The following ANO2 variants were observed in gnomAD, a reference collection of about 807,000 sequenced individuals.
The protein encoded by ANO2 is anoctamin 2.
In ANO2, 101 loss-of-function variants were observed where a neutral mutation model predicts 124.2. That is an observed-to-expected ratio of 0.81 (90% CI 0.69 to 0.96). ANO2 has a LOEUF of 0.96. ANO2 is among the 40% of genes least tolerant of loss of function. The probability of loss-of-function intolerance (pLI) is 0.00; values close to 1 mark genes in which losing one functional copy is unlikely to be tolerated. For synonymous variants in ANO2, 486 were observed against 482.5 expected, an observed-to-expected ratio of 1.01 and a Z score of -0.09; for missense variants, 1,293 against 1,274.5, an observed-to-expected ratio of 1.01 and a Z score of -0.22.
chr12:5,646,793 G>A (rs919647014), intron 15 of ANO2, among the ~76,000 whole-genome samples: 1 of 152,162 alleles, frequency 6.6e-6, no homozygotes, highest in Non-Finnish European at 1.5e-5. Context: ...GAAAAATGAG[G>A]AGTTGAATTG....
intron 14 of ANO2, among the ~76,000 whole-genome samples, chr12:5,700,898 T>C (rs1949374872): frequency 1.3e-5 from 2 of 152,120 alleles, no homozygotes; most frequent in South Asian, 4.2e-4. Context: ...TCCCTAATTA[T>C]AGATATTTCC....
At chr12:5,903,697 G>A (rs1332115110) in intron 3 of ANO2, among the ~76,000 whole-genome samples, 1 of 151,288 alleles carries the variant, frequency 6.6e-6, no homozygotes, top group Non-Finnish European at 1.5e-5. Flanking sequence ...AGCAAGGTCT[G>A]TGCAGACAAT....
chr12:5,599,861 C>T (rs1263397241), intron 19 of ANO2, among the ~76,000 whole-genome samples: 2 of 152,294 alleles, frequency 1.3e-5, no homozygotes, highest in African/African-American at 4.8e-5. Context: ...TTTCTTCAAA[C>T]CCCAAAATAC....
At chr12:5,883,943 T>A (rs1330828085) in intron 3 of ANO2, among the ~76,000 whole-genome samples, 1 of 152,120 alleles carries the variant, frequency 6.6e-6, no homozygotes, top group Non-Finnish European at 1.5e-5. Flanking sequence ...TTAAACCTAA[T>A]CCCAGCATTG....
chr12:5,779,379 C>T (rs561225120), intron 10 of ANO2, among the ~76,000 whole-genome samples: 3 of 152,300 alleles, frequency 2.0e-5, no homozygotes, highest in South Asian at 4.1e-4. Flanking sequence ...ATCTAAAATG[C>T]CTATTTTCTT....
At chr12:5,878,032 C>T (rs2137291928) in intron 3 of ANO2, among the ~76,000 whole-genome samples, 1 of 152,336 alleles carries the variant, frequency 6.6e-6, no homozygotes, top group South Asian at 2.1e-4. Flanking sequence ...ACCTATGCAG[C>T]ACTAAGAGTC....
chr12:5,851,560 CTG>C, intron 4 of ANO2, among the ~76,000 whole-genome samples: 1 of 152,074 alleles, frequency 6.6e-6, no homozygotes, highest in East Asian at 1.9e-4. Context: ...TGATGAGCAC[CTG>C]TAATCCCAGC....
intron 11 of ANO2, among the ~76,000 whole-genome samples, chr12:5,749,456 C>A (rs1951374085): frequency 2.0e-5 from 3 of 152,176 alleles, no homozygotes; most frequent in Non-Finnish European, 4.4e-5. Context: ...AATGTTTAAT[C>A]CAAATGGAGA....
intron 14 of ANO2, among the ~76,000 whole-genome samples, chr12:5,695,513 C>T (rs976627124): frequency 6.6e-6 from 1 of 152,218 alleles, no homozygotes; most frequent in Non-Finnish European, 1.5e-5. Flanking sequence ...CTATCCACCC[C>T]TACATCAATA....
intron 8 of ANO2, among the ~76,000 whole-genome samples, 186 bp downstream of exon 8, chr12:5,807,127 T>C (rs71579293): frequency 4.6e-5 from 7 of 152,282 alleles, no homozygotes; most frequent in African/African-American, 1.2e-4. Flanking sequence ...TTTGAGATGA[T>C]TGGCAAAAAT....
intron 14 of ANO2, among the ~76,000 whole-genome samples, chr12:5,715,888 G>A (rs553771029): frequency 1.2e-4 from 18 of 152,264 alleles, no homozygotes; most frequent in East Asian, 9.7e-4. Context: ...AAGTATGTTC[G>A]TGACATGTTT....
At chr12:5,920,036 A>AATGGATGGATGG (rs558209463) in intron 3 of ANO2, among the ~76,000 whole-genome samples, 24 of 145,630 alleles carry the variant, frequency 1.6e-4, no homozygotes, top group Admixed American at 1.1e-3. Flanking sequence ...GGTGTGGATA[A>AATGGATGGATGG]ATGGATGGAT....
intron 4 of ANO2, among the ~76,000 whole-genome samples, chr12:5,849,112 T>C (rs995338638): frequency 1.3e-5 from 2 of 152,246 alleles, no homozygotes; most frequent in Non-Finnish European, 2.9e-5. Flanking sequence ...AGTTCTGGCA[T>C]GCTCTGAGGG....
intron 1 of ANO2, among the ~76,000 whole-genome samples, chr12:5,944,071 CG>C (rs1352166990): frequency 6.6e-6 from 1 of 152,192 alleles, no homozygotes; most frequent in Admixed American, 6.5e-5. Flanking sequence ...TGGAAAGGAT[CG>C]AATCAGGTGC....
intron 14 of ANO2, among the ~76,000 whole-genome samples, chr12:5,688,531 TATTGACTA>T (rs1445818629): frequency 1.3e-5 from 2 of 152,194 alleles, no homozygotes; most frequent in East Asian, 3.8e-4. Flanking sequence ...AGGCTTAAAA[TATTGACTA>T]ATCCTATCTG....
intron 10 of ANO2, among the ~76,000 whole-genome samples, chr12:5,780,697 C>A (rs909926425): frequency 3.9e-5 from 6 of 152,140 alleles, no homozygotes; most frequent in Non-Finnish European, 8.8e-5. Flanking sequence ...GGATCCTTCG[C>A]TTGTAAACAC....
intron 3 of ANO2, among the ~76,000 whole-genome samples, chr12:5,884,203 G>A (rs989860291): frequency 1.3e-5 from 2 of 152,182 alleles, no homozygotes; most frequent in Non-Finnish European, 2.9e-5. Flanking sequence ...GCCACTGTGG[G>A]CAGTGATTCT....
intron 19 of ANO2, among the ~76,000 whole-genome samples, chr12:5,610,186 TATAA>T (rs1413627475): frequency 2.7e-5 from 2 of 73,040 alleles, no homozygotes; most frequent in Admixed American, 2.5e-4. Context: ...TAAATACTTA[TATAA>T]ATATATACTT....
intron 3 of ANO2, among the ~76,000 whole-genome samples, chr12:5,858,081 G>C (rs980615232): frequency 5.9e-5 from 9 of 152,186 alleles, no homozygotes; most frequent in South Asian, 2.1e-4. Context: ...AGTTAAGCTA[G>C]ATAGGAGGAA....
Sources: gnomAD v4.1 joint callset for allele counts (sites outside exome capture counted in the v4.1 genomes callset) on GRCh38, gnomAD v4.1.1 for gene constraint, MANE v1.5 for transcripts, NCBI Gene and HGNC (gene_info 2026-07-23, HGNC 2026-07-21) for gene names.